Variants in MGLL observed in about 807,000 individuals in gnomAD.
MGLL encodes the protein lysophospholipase homolog.
MGLL carries 7 observed loss-of-function variants against 29.1 expected under a neutral mutation model. That is an observed-to-expected ratio of 0.24 (90% confidence interval 0.14 to 0.45). The LOEUF is 0.45. Ranked by LOEUF, MGLL falls within the 20% of genes least tolerant of loss-of-function variation. The pLI is 0.99. For synonymous variants in MGLL, 148 were observed against 168.3 expected (o/e 0.88, Z 0.93); for missense variants, 356 against 413.6 (o/e 0.86, Z 1.21).
At chr3:127,713,245 G>T (rs537772302) in intron 5 of MGLL, 2 of 152,396 alleles carry the variant, frequency 1.3e-5, no homozygotes, top group South Asian at 4.1e-4. Flanking sequence ...CTGAGAGACT[G>T]ATTGTATTGG....
chr3:127,768,920 C>T (rs916572910), intron 3 of MGLL, among the ~76,000 whole-genome samples: 2 of 152,218 alleles, frequency 1.3e-5, no homozygotes, highest in African/African-American at 4.8e-5. Context: ...CTGGGTGGTG[C>T]TGCTGCTGCT....
chr3:127,734,110 C>T (rs1185307029), intron 3 of MGLL, among the ~76,000 whole-genome samples: 1 of 152,226 alleles, frequency 6.6e-6, no homozygotes, highest in African/African-American at 2.4e-5. Flanking sequence ...AATTCTGGAG[C>T]CCACCCCCTT....
intron 5 of MGLL, among the ~76,000 whole-genome samples, chr3:127,716,593 C>T (rs1341752574): frequency 3.3e-5 from 5 of 152,222 alleles, no homozygotes; most frequent in African/African-American, 7.2e-5. Flanking sequence ...CACCATCACG[C>T]CTGTCACTTT....
chr3:127,722,211 G>A lies in MGLL; in HGVS notation c.399+219C>T, dbSNP rs539949075. Among the ~76,000 whole-genome samples, 7 of 152,320 alleles carry A rather than the reference G, an allele frequency of 4.6e-5. No homozygotes were observed. In the South Asian group the frequency reaches 8.3e-4, roughly 18 times the overall value. On this transcript the variant is annotated intron_variant, in intron 4 of 7. Transcript: ENST00000265052. ...GTTGAGAAAAAGATCAGTTTTCCAA[G>A]AGGCCCCGTATTCAAGCTGCTCACT...
chr3:127,699,280 G>A (rs2075432110), intron 6 of MGLL, among the ~76,000 whole-genome samples: 1 of 152,200 alleles, frequency 6.6e-6, no homozygotes, highest in African/African-American at 2.4e-5. Context: ...GCAATCCTCA[G>A]CTGGGAGTTT....
At chr3:127,773,297 A>G (rs904296609) in intron 3 of MGLL, among the ~76,000 whole-genome samples, 4 of 152,250 alleles carry the variant, frequency 2.6e-5, no homozygotes, top group African/African-American at 9.6e-5. Flanking sequence ...GCTTGAGTCT[A>G]GGCTCTGCCA....
intron 5 of MGLL, chr3:127,711,763 AC>A (rs2075719204): frequency 6.9e-6 from 1 of 144,412 alleles, no homozygotes; most frequent in Non-Finnish European, 1.5e-5. Flanking sequence ...TTGCTCTGTC[AC>A]CCAGGCTGGA....
At chr3:127,718,298 T>C (rs1456079336) in intron 5 of MGLL, among the ~76,000 whole-genome samples, 1 of 152,170 alleles carries the variant, frequency 6.6e-6, no homozygotes, top group Non-Finnish European at 1.5e-5. Flanking sequence ...GATTGAACAC[T>C]GTCTGAGGAG....
At chr3:127,809,187 C>T (rs976921227) in intron 2 of MGLL, among the ~76,000 whole-genome samples, 1 of 152,174 alleles carries the variant, frequency 6.6e-6, no homozygotes, top group Non-Finnish European at 1.5e-5. Context: ...TCAATCTTCT[C>T]ATCTTGCTCT....
chr3:127,752,954 C>T (rs957445398), intron 3 of MGLL, among the ~76,000 whole-genome samples: 1 of 152,164 alleles, frequency 6.6e-6, no homozygotes, highest in African/African-American at 2.4e-5. Flanking sequence ...TCCATTTAGT[C>T]ATTTTGTTGT....
chr3:127,782,094 C>T (rs1039247602), intron 2 of MGLL, among the ~76,000 whole-genome samples, 199 bp from the exon 3 acceptor site: 2 of 152,082 alleles, frequency 1.3e-5, no homozygotes, highest in Non-Finnish European at 2.9e-5. Flanking sequence ...TGGTGGCATG[C>T]GCCTGTCATC....
At chr3:127,719,437 A>G (rs1015870372) in intron 5 of MGLL, among the ~76,000 whole-genome samples, 6 of 152,232 alleles carry the variant, frequency 3.9e-5, no homozygotes, top group Non-Finnish European at 8.8e-5. Flanking sequence ...ATCTTTCCTA[A>G]GCCCAGGTTT....
At chr3:127,807,548 G>C (rs2077587889) in intron 2 of MGLL, among the ~76,000 whole-genome samples, 1 of 151,574 alleles carries the variant, frequency 6.6e-6, no homozygotes, top group Non-Finnish European at 1.5e-5. Context: ...GTGTATTAAG[G>C]TGAAAAGATA....
intron 2 of MGLL, among the ~76,000 whole-genome samples, chr3:127,790,979 T>G (rs2077290443): frequency 6.6e-6 from 1 of 152,126 alleles, no homozygotes; most frequent in South Asian, 2.1e-4. Flanking sequence ...GGCCCAGTCC[T>G]CCATGTCACC....
chr3:127,779,324 G>A (rs1404710821), intron 3 of MGLL, among the ~76,000 whole-genome samples: 1 of 152,046 alleles, frequency 6.6e-6, no homozygotes. Flanking sequence ...TTGAGATCAC[G>A]CCACTGCACT....
chr3:127,753,362 T>A (rs2076593833), intron 3 of MGLL, among the ~76,000 whole-genome samples: 1 of 152,232 alleles, frequency 6.6e-6, no homozygotes, highest in Admixed American at 6.5e-5. Context: ...GGGTCCTTGA[T>A]GTGACCAGTT....
At chr3:127,746,299 C>T (rs946525586) in intron 3 of MGLL, among the ~76,000 whole-genome samples, 2 of 152,148 alleles carry the variant, frequency 1.3e-5, no homozygotes, top group Non-Finnish European at 2.9e-5. Context: ...ACATTTCTGG[C>T]TGCCTTCAAG....
At chr3:127,722,932 G>A (rs1265021022) in intron 3 of MGLL, among the ~76,000 whole-genome samples, 2 of 152,212 alleles carry the variant, frequency 1.3e-5, no homozygotes, top group Admixed American at 1.3e-4. Flanking sequence ...GACGAAGAAG[G>A]CTCAGAATTT....
At chr3:127,822,278 C>T in intron 1 of MGLL, 31 bp downstream of exon 1, 1 of 1,601,610 alleles carries the variant, frequency 6.2e-7, no homozygotes, top group Non-Finnish European at 8.6e-7. Flanking sequence ...ATTATTCCTC[C>T]CATCTGAAAT....
Sources: allele counts gnomAD v4.1 joint callset (sites outside exome capture counted in the v4.1 genomes callset), GRCh38; gene constraint gnomAD v4.1.1; transcripts MANE v1.5; gene names NCBI Gene and HGNC (gene_info 2026-07-23, HGNC 2026-07-21).